The following SLC24A4 variants were observed in gnomAD, a reference collection of about 807,000 sequenced individuals.
SLC24A4 encodes sodium/potassium/calcium exchanger 4.
SLC24A4 carries 53 observed loss-of-function variants against 79.0 expected under a neutral mutation model. The observed-to-expected ratio is 0.67, with a 90% CI of 0.54 to 0.84. The LOEUF is 0.84. Among genes scored for constraint, SLC24A4 ranks in the 40% least tolerant of loss-of-function variants. The probability of loss-of-function intolerance (pLI) is 0.00; values close to 1 mark genes in which losing one functional copy is unlikely to be tolerated. For synonymous variants in SLC24A4, 323 were observed against 323.8 expected (o/e 1.00, Z 0.03); for missense variants, 731 against 822.0 (o/e 0.89, Z 1.35).
intron 2 of SLC24A4, among the ~76,000 whole-genome samples, chr14:92,358,746 G>T (rs375699657): frequency 2.7e-4 from 41 of 149,418 alleles, no homozygotes; most frequent in Middle Eastern, 3.4e-3. Context: ...ACCTAGGCTG[G>T]AATGCAGTGC....
At chr14:92,476,320 A>G (rs1391567028) in intron 12 of SLC24A4, among the ~76,000 whole-genome samples, 4 of 152,216 alleles carry the variant, frequency 2.6e-5, no homozygotes, top group African/African-American at 9.7e-5. Context: ...AAGGCAGGAA[A>G]ACTTTTGGCC....
chr14:92,484,497 G>A, intron 13 of SLC24A4: 1 of 985,344 alleles, frequency 1.0e-6, no homozygotes, highest in Non-Finnish European at 1.2e-6. Context: ...CCTGGTACCG[G>A]CTTAGAGCTC....
chr14:92,448,598 G>T (rs188723609), intron 9 of SLC24A4, among the ~76,000 whole-genome samples: 2 of 152,160 alleles, frequency 1.3e-5, no homozygotes, highest in Admixed American at 6.5e-5. Context: ...GCGAGAGCCC[G>T]CCTGAGGTTC....
At chr14:92,409,413 C>A (rs561221556) in intron 2 of SLC24A4, among the ~76,000 whole-genome samples, 45 of 152,290 alleles carry the variant, frequency 3.0e-4, no homozygotes, top group African/African-American at 1.1e-3. Flanking sequence ...GAAAAGGCAG[C>A]GCATTCAGTG....
chr14:92,443,559 T>A, intron 7 of SLC24A4, 85 bp downstream of exon 7: 2 of 1,390,562 alleles, frequency 1.4e-6, no homozygotes, highest in Non-Finnish European at 2.0e-6. Flanking sequence ...CCCCTGGCAC[T>A]GTGACCAGAG....
At chr14:92,434,975 T>C (rs1274215712) in intron 3 of SLC24A4, among the ~76,000 whole-genome samples, 8 of 152,164 alleles carry the variant, frequency 5.3e-5, no homozygotes, top group Admixed American at 5.2e-4. Context: ...GGTTTAACCA[T>C]GTTGGCCAGG....
rs116983464 is a variant in SLC24A4, at chr14:92,404,194, T to A, written c.242-29718T>A. Among the ~76,000 whole-genome samples, 104 of 152,330 alleles carry A rather than the reference T, an allele frequency of 6.8e-4. 3 individuals carry two copies. The East Asian group carries it at 0.016, about 24-fold the overall frequency. The stretch of plus-strand genomic sequence containing the variant: ...GTCTCACTGGCATCTGTCGCTATGA[T>A]CTAATGCTACCATCGTCTCTGGCTG... On this transcript the variant is annotated intron_variant, in intron 2 of 16. Transcript: ENST00000532405.
At chr14:92,486,412 A>T (rs1311972315) in intron 13 of SLC24A4, among the ~76,000 whole-genome samples, 2 of 152,158 alleles carry the variant, frequency 1.3e-5, no homozygotes, top group African/African-American at 4.8e-5. Context: ...TTCATGTGGC[A>T]TCCCTGGTCC....
intron 2 of SLC24A4, among the ~76,000 whole-genome samples, chr14:92,364,616 A>T (rs986139831): frequency 2.0e-5 from 3 of 152,150 alleles, no homozygotes; most frequent in Non-Finnish European, 2.9e-5. Flanking sequence ...TCAACCTGAG[A>T]GCCCCGTGGT....
At chr14:92,440,372 C>T (rs532666898) in intron 4 of SLC24A4, among the ~76,000 whole-genome samples, 8 of 152,238 alleles carry the variant, frequency 5.3e-5, no homozygotes, top group East Asian at 1.9e-4. Context: ...CTGGGATGAT[C>T]GTGTGGGAGG....
intron 2 of SLC24A4, among the ~76,000 whole-genome samples, chr14:92,328,000 C>G (rs552361838): frequency 3.7e-4 from 57 of 152,270 alleles, no homozygotes; most frequent in African/African-American, 1.3e-3. Context: ...ACATTTTAAT[C>G]CTTATCACGT....
At chr14:92,344,175 A>T (rs1228943924) in intron 2 of SLC24A4, among the ~76,000 whole-genome samples, 1 of 152,228 alleles carries the variant, frequency 6.6e-6, no homozygotes, top group African/African-American at 2.4e-5. Flanking sequence ...CACTTACGTG[A>T]TGTCTGAGCA....
intron 12 of SLC24A4, among the ~76,000 whole-genome samples, chr14:92,474,655 TTG>T (rs34248505): frequency 0.37 from 9,684 of 25,856 alleles, 894 homozygotes; most frequent in African/African-American, 0.48. Context: ...CAGCTAATTT[TTG>T]TGTGTGTGTG....
intron 2 of SLC24A4, among the ~76,000 whole-genome samples, chr14:92,410,248 C>T (rs1471970241): frequency 6.6e-6 from 1 of 152,174 alleles, no homozygotes; most frequent in African/African-American, 2.4e-5. Context: ...GTGGTACAAT[C>T]ATAGCTCACT....
At chr14:92,368,113 C>T (rs1449196764) in intron 2 of SLC24A4, among the ~76,000 whole-genome samples, 9 of 152,158 alleles carry the variant, frequency 5.9e-5, no homozygotes, top group African/African-American at 9.7e-5. Flanking sequence ...GAGATTCCTA[C>T]GTTTGATACA....
In SLC24A4 at chr14:92,469,366, A is replaced by G. The variant is rs552793016; in HGVS notation, c.1255+12758A>G. 7.9e-5 allele frequency among the ~76,000 whole-genome samples: 12 copies of G among 152,208 alleles called. No homozygotes were observed. In the East Asian group the frequency reaches 2.3e-3, roughly 29 times the overall value. ...AACTAAAAATATGAAAAAATTAGCC[A>G]GGTGTGGTGGTGGGCACCTGTAGTC... On this transcript the variant is annotated intron_variant, in intron 12 of 16. Transcript: ENST00000532405.
chr14:92,395,575 TA>T (rs1389890275), intron 2 of SLC24A4, among the ~76,000 whole-genome samples: 12 of 152,028 alleles, frequency 7.9e-5, no homozygotes, highest in South Asian at 2.1e-4. Flanking sequence ...GACTAAGCAA[TA>T]AGAGCTGCTT....
intron 2 of SLC24A4, among the ~76,000 whole-genome samples, chr14:92,360,908 C>T (rs1169523928): frequency 1.3e-5 from 2 of 152,186 alleles, no homozygotes; most frequent in East Asian, 1.9e-4. Context: ...GGCTGCACAG[C>T]GTTTATCCTT....
intron 2 of SLC24A4, among the ~76,000 whole-genome samples, chr14:92,358,663 C>T (rs1392456149): frequency 6.6e-6 from 1 of 151,182 alleles, no homozygotes; most frequent in Admixed American, 6.6e-5. Flanking sequence ...CTATCTGACT[C>T]ATCTACTGCT....
Sources: allele counts gnomAD v4.1 joint callset (sites outside exome capture counted in the v4.1 genomes callset), GRCh38; gene constraint gnomAD v4.1.1; transcripts MANE v1.5; gene names NCBI Gene and HGNC (gene_info 2026-07-23, HGNC 2026-07-21).